Variants in PCDHGA8 observed in about 807,000 individuals in gnomAD.
PCDHGA8 encodes protocadherin gamma subfamily A, 8.
A neutral mutation model predicts 59.2 loss-of-function variants in PCDHGA8; 45 were observed. The observed-to-expected ratio is 0.76, with a 90% CI of 0.60 to 0.98. PCDHGA8 has a LOEUF of 0.98. PCDHGA8 is among the 50% of genes least tolerant of loss of function. The probability of loss-of-function intolerance (pLI) is 0.00; values close to 1 mark genes in which losing one functional copy is unlikely to be tolerated. For synonymous variants in PCDHGA8, 531 were observed against 519.0 expected, an observed-to-expected ratio of 1.02 and a Z score of -0.32; for missense variants, 1,257 against 1,196.2, an observed-to-expected ratio of 1.05 and a Z score of -0.75.
intron 1 of PCDHGA8, chr5:141,427,102 C>T (rs1363595185): frequency 6.6e-6 from 3 of 457,858 alleles, no homozygotes; most frequent in South Asian, 3.1e-5. Flanking sequence ...GGTGTCAATG[C>T]GGAGATCACC....
At chr5:141,506,865 G>T (rs1403350484) in intron 3 of PCDHGA8, among the ~76,000 whole-genome samples, 1 of 152,186 alleles carries the variant, frequency 6.6e-6, no homozygotes, top group African/African-American at 2.4e-5. Flanking sequence ...GGACTGGTGG[G>T]TAGAGAACCA....
chr5:141,430,949 GT>G (rs1391027030), intron 1 of PCDHGA8: 5 of 1,610,510 alleles, frequency 3.1e-6, no homozygotes, highest in Non-Finnish European at 4.2e-6. Flanking sequence ...GGAGCGCGGA[GT>G]CCGCATCATC....
intron 1 of PCDHGA8, among the ~76,000 whole-genome samples, chr5:141,467,341 C>T (rs1169830103): frequency 6.6e-6 from 1 of 152,214 alleles, no homozygotes; most frequent in Non-Finnish European, 1.5e-5. Context: ...ACGTAAGCCA[C>T]TGCCCCCGGC....
At chr5:141,409,571 T>A in intron 1 of PCDHGA8, 2 of 1,613,932 alleles carry the variant, frequency 1.2e-6, no homozygotes, top group Non-Finnish European at 1.7e-6. Context: ...CCAGACGTCC[T>A]ACGTGGTCCA....
chr5:141,403,703 G>A (rs747321937), intron 1 of PCDHGA8: 5 of 1,613,946 alleles, frequency 3.1e-6, no homozygotes, highest in Non-Finnish European at 4.2e-6. Context: ...CCGAGTTAAA[G>A]TCCTTGAGAA....
At chr5:141,430,680 C>T (rs990086941) in intron 1 of PCDHGA8, 1 of 1,343,242 alleles carries the variant, frequency 7.4e-7, no homozygotes, top group Non-Finnish European at 1.0e-6. Flanking sequence ...TCCCAACTGT[C>T]CCATTCTATG....
chr5:141,441,797 G>A, intron 1 of PCDHGA8: 2 of 386,536 alleles, frequency 5.2e-6, no homozygotes, highest in Non-Finnish European at 1.0e-5. Context: ...ACAACGCACC[G>A]CGGGTGCTGT....
At chr5:141,421,088 C>A in intron 1 of PCDHGA8, 2 of 659,434 alleles carry the variant, frequency 3.0e-6, no homozygotes, top group South Asian at 4.0e-5. Flanking sequence ...CTCACAGATC[C>A]TGACACTGGA....
intron 1 of PCDHGA8, among the ~76,000 whole-genome samples, chr5:141,467,823 T>A (rs1225960296): frequency 1.3e-5 from 2 of 152,012 alleles, no homozygotes; most frequent in African/African-American, 2.4e-5. Flanking sequence ...CACACCAGGC[T>A]GATTTTTATA....
intron 1 of PCDHGA8, chr5:141,399,437 A>G (rs780100815): frequency 3.7e-5 from 59 of 1,613,998 alleles, no homozygotes; most frequent in East Asian, 6.7e-5. Flanking sequence ...GTCATCCTAC[A>G]TATCAGAGAC....
intron 1 of PCDHGA8, chr5:141,478,809 C>G: frequency 6.9e-7 from 1 of 1,453,454 alleles, no homozygotes; most frequent in Non-Finnish European, 9.0e-7. Flanking sequence ...CTTTTGCTAT[C>G]ACAACTAACC....
At chr5:141,496,050 G>A (rs1232836015) in intron 2 of PCDHGA8, among the ~76,000 whole-genome samples, 2 of 149,892 alleles carry the variant, frequency 1.3e-5, no homozygotes, top group Non-Finnish European at 3.0e-5. Flanking sequence ...ATTTTTTTGT[G>A]CTTGTGGGCA....
rs746642302 is a variant in PCDHGA8, at chr5:141,491,107, A to G, written c.2425-3700A>G. The stretch of plus-strand genomic sequence containing the variant: ...AGCCCCAGGACTGTTCCTCGTGTCT[A>G]CACACACTGGTGAGGTGCGCACAGC... On this transcript the variant is annotated intron_variant, in intron 1 of 3. Coordinates refer to ENST00000398604, the MANE Select transcript of PCDHGA8 (RefSeq NM_032088.2). The surrounding 1 kb of genome is among the most constrained non-coding windows in gnomAD (Gnocchi z 6.9). 2.5e-6 allele frequency: 4 copies of G among 1,614,148 alleles called. No homozygotes were observed. Among genetic ancestry groups the G allele is most frequent in the Non-Finnish European group, 2.5e-6 (3 of 1,180,014 alleles).
rs1207647899 is a variant in PCDHGA8, at chr5:141,491,938, C to T, written c.2425-2869C>T. The T allele has an allele frequency of 1.6e-5, 19 of 1,199,190 alleles. No homozygotes were observed. Among genetic ancestry groups the T allele is most frequent in the Non-Finnish European group, 2.1e-5 (18 of 875,372 alleles). 74.3% of individuals were successfully genotyped at this position (1,199,190 alleles called of 1,614,324 possible). ...TGTGGGCGAGGGGAGGTGGGACCGA[C>T]CCCCACCCCTACACTCAAAAAAGGC... is the stretch of plus-strand genomic sequence containing the variant. On this transcript the variant is annotated intron_variant, in intron 1 of 3. Coordinates refer to ENST00000398604, the MANE Select transcript of PCDHGA8 (RefSeq NM_032088.2). This position sits in a 1 kb window ranked among gnomAD's most constrained non-coding sequence, Gnocchi z 6.9.
At position 141,420,340 on chromosome 5, in the gene PCDHGA8, G is replaced by A. The variant is rs1405507680; in HGVS notation, c.2424+25103G>A. ...ATATGCCAATATATTCCAATATAGT[G>A]GTATTATTTTAAGATTCTAGATAAC... On this transcript the variant is annotated intron_variant, in intron 1 of 3. Transcript: ENST00000398604. The A allele has an allele frequency of 2.9e-6, 4 of 1,387,388 alleles. No homozygotes were observed. In the African/African-American group the frequency reaches 4.4e-5, roughly 15 times the overall value. 85.9% of individuals were successfully genotyped at this position (1,387,388 alleles called of 1,614,324 possible). A position where few individuals can be genotyped will look rare whatever the true frequency, so the allele number is the denominator to read the frequency against.
intron 1 of PCDHGA8, among the ~76,000 whole-genome samples, chr5:141,488,553 T>C (rs2099676887): frequency 6.6e-6 from 1 of 152,166 alleles, no homozygotes; most frequent in South Asian, 2.1e-4. Flanking sequence ...TCAGCTGACA[T>C]TGAGATTTCC....
At chr5:141,422,880 G>T in intron 1 of PCDHGA8, 1 of 1,614,258 alleles carries the variant, frequency 6.2e-7, no homozygotes, top group East Asian at 2.2e-5. Flanking sequence ...CGCTGAGCCT[G>T]TTCGTGCTGG....
intron 1 of PCDHGA8, among the ~76,000 whole-genome samples, chr5:141,474,862 T>C (rs1281140736): frequency 6.6e-6 from 1 of 152,264 alleles, no homozygotes; most frequent in Non-Finnish European, 1.5e-5. Context: ...CTTCATTTAA[T>C]AGGATAGGAG....
chr5:141,473,238 G>A (rs1265577738), intron 1 of PCDHGA8, among the ~76,000 whole-genome samples: 4 of 152,200 alleles, frequency 2.6e-5, no homozygotes, highest in Admixed American at 6.5e-5. Context: ...ATCCACACAA[G>A]TGAATACATA....
Sources: allele counts gnomAD v4.1 joint callset (sites outside exome capture counted in the v4.1 genomes callset), GRCh38; gene constraint gnomAD v4.1.1; non-coding constraint Gnocchi (gnomAD v3.1); transcripts MANE v1.5; gene names NCBI Gene and HGNC (gene_info 2026-07-23, HGNC 2026-07-21).